The following MEF2A variants were observed in gnomAD, a reference collection of about 807,000 sequenced individuals.
MEF2A encodes myocyte-specific enhancer factor 2A.
Under a neutral mutation model 55.8 loss-of-function variants are expected in MEF2A, and 28 were observed. The ratio of observed to expected loss-of-function variants is 0.50; its 90% CI spans 0.37 to 0.69. The LOEUF (loss-of-function observed/expected upper bound fraction) is 0.69, where lower values mean the gene tolerates loss of function less well. Ranked by LOEUF, MEF2A falls within the 30% of genes least tolerant of loss-of-function variation. The pLI, the probability that MEF2A is intolerant of heterozygous loss-of-function variation, is 0.00. For missense variants in MEF2A, 528 were observed against 626.2 expected, an observed-to-expected ratio of 0.84 and a Z score of 1.67; for synonymous variants, 239 against 227.1, an observed-to-expected ratio of 1.05 and a Z score of -0.47.
At chr15:99,664,773 A>G (rs557108859) in intron 4 of MEF2A, among the ~76,000 whole-genome samples, 2 of 152,372 alleles carry the variant, frequency 1.3e-5, no homozygotes, top group East Asian at 1.9e-4. Context: ...TGAAATAGAA[A>G]TGTTAGTAAA....
intron 4 of MEF2A, among the ~76,000 whole-genome samples, chr15:99,656,799 A>G (rs557860858): frequency 2.0e-5 from 3 of 152,266 alleles, no homozygotes; most frequent in African/African-American, 7.2e-5. Context: ...TCTTCTTTTA[A>G]ATGAGATATA....
At chr15:99,685,610 T>G (rs1373355117) in intron 7 of MEF2A, among the ~76,000 whole-genome samples, 2 of 152,118 alleles carry the variant, frequency 1.3e-5, no homozygotes, top group Non-Finnish European at 2.9e-5. Context: ...TCTGTGCCAG[T>G]TTTGCTTATT....
At chr15:99,595,247 A>G (rs940928567) in intron 1 of MEF2A, among the ~76,000 whole-genome samples, 1 of 152,200 alleles carries the variant, frequency 6.6e-6, no homozygotes, top group Non-Finnish European at 1.5e-5. Context: ...GCTGATTAGC[A>G]TATGATAAAT....
Position 99,645,774 on chromosome 15 carries a change from A to C in MEF2A, c.258+10A>C. On this transcript the variant is annotated intron_variant, in intron 4 of 11. Coordinates refer to ENST00000557942, the MANE Select transcript of MEF2A (RefSeq NM_001319206.4). ...CTCGGATATTGTTGAGGTAACACAT[A>C]TCTAGTAATACGTGAATTGCAAGTA... is the stretch of plus-strand genomic sequence containing the variant. The C allele has an allele frequency of 1.9e-6, 3 of 1,558,614 alleles. No individual in the cohort carries two copies. Among genetic ancestry groups the C allele is most frequent in the Non-Finnish European group, 2.6e-6 (3 of 1,143,508 alleles).
At chr15:99,646,797 T>A (rs1392407135) in intron 4 of MEF2A, among the ~76,000 whole-genome samples, 1 of 152,258 alleles carries the variant, frequency 6.6e-6, no homozygotes, top group Non-Finnish European at 1.5e-5. Flanking sequence ...TAACTGTCCC[T>A]CTTCAGGCAG....
At chr15:99,694,095 C>T (rs563827956) in intron 8 of MEF2A, among the ~76,000 whole-genome samples, 366 of 152,300 alleles carry the variant, frequency 2.4e-3, no homozygotes, top group Non-Finnish European at 3.2e-3. Context: ...CAGGATACCA[C>T]ATTATATTTA....
Position 99,647,473 on chromosome 15 carries a change from C to G in MEF2A, c.258+1709C>G, listed in dbSNP as rs148930685. ...CTCTTTCATTGCAGCAGTTGTTATT[C>G]TTGGTCCGTGGAGGTTGAGGGTACT... On this transcript the variant is annotated intron_variant, in intron 4 of 11. Transcript: ENST00000557942. Among the ~76,000 whole-genome samples the G allele has an allele frequency of 1.5e-3, 230 of 152,254 alleles. 2 individuals carry two copies. The highest frequency in any genetic ancestry group is 4.7e-3 in the African/African-American group (194 of 41,544).
At chr15:99,672,405 T>C (rs1270194865) in intron 5 of MEF2A, among the ~76,000 whole-genome samples, 1 of 152,250 alleles carries the variant, frequency 6.6e-6, no homozygotes, top group Non-Finnish European at 1.5e-5. Context: ...GAGCTCATGC[T>C]CCTAGACTTG....
upstream of MEF2A, chr15:99,565,556 G>T (rs1266417250): frequency 6.6e-6 from 1 of 151,536 alleles, no homozygotes; most frequent in Admixed American, 6.6e-5. Flanking sequence ...GGAGGCGCCC[G>T]GGCCCTCATC....
chr15:99,594,000 T>A (rs1336620360), intron 1 of MEF2A, among the ~76,000 whole-genome samples: 1 of 152,170 alleles, frequency 6.6e-6, no homozygotes, highest in African/African-American at 2.4e-5. Context: ...CACCAAAACG[T>A]GTGTGAGGGT....
chr15:99,664,956 G>T (rs948587995), intron 4 of MEF2A, among the ~76,000 whole-genome samples: 1 of 152,024 alleles, frequency 6.6e-6, no homozygotes, highest in Non-Finnish European at 1.5e-5. Flanking sequence ...AAACAGAGGA[G>T]AACTCAAAAA....
chr15:99,601,804 GTT>G (rs1265346430), intron 2 of MEF2A, among the ~76,000 whole-genome samples: 5 of 133,688 alleles, frequency 3.7e-5, no homozygotes, highest in African/African-American at 8.7e-5. Context: ...GTTTTTGTCT[GTT>G]TTGTGTGTGT....
intron 3 of MEF2A, among the ~76,000 whole-genome samples, chr15:99,636,375 C>T (rs1287288852): frequency 1.3e-5 from 2 of 152,132 alleles, no homozygotes; most frequent in Non-Finnish European, 1.5e-5. Context: ...GAGACAGGGT[C>T]TTGCTGTGAT....
At position 99,678,616 on chromosome 15, in the gene MEF2A, C is replaced by T. The variant is rs185655098; in HGVS notation, c.670+3158C>T. 3,595 of 980,424 alleles carry T rather than the reference C, an allele frequency of 3.7e-3. 10 individuals are homozygous for T. The highest frequency in any genetic ancestry group is 5.5e-3 in the Admixed American group (89 of 16,274). 60.7% of individuals were successfully genotyped at this position (980,424 alleles called of 1,614,324 possible). Reference sequence around the variant, plus strand: ...CGTATTTTAATTTTTGTTGCATCTTCTGCCTGCTTCCCTAAAATTGGAATA... The same window carrying T: ...CGTATTTTAATTTTTGTTGCATCTTTTGCCTGCTTCCCTAAAATTGGAATA... On this transcript the variant is annotated intron_variant, in intron 7 of 11. Coordinates refer to ENST00000557942, the MANE Select transcript of MEF2A (RefSeq NM_001319206.4).
At chr15:99,687,794 C>G (rs1395759539) in intron 7 of MEF2A, among the ~76,000 whole-genome samples, 1 of 152,192 alleles carries the variant, frequency 6.6e-6, no homozygotes, top group African/African-American at 2.4e-5. Context: ...CCTGCTCTTG[C>G]TAACTAGATG....
intron 3 of MEF2A, among the ~76,000 whole-genome samples, chr15:99,641,671 C>G (rs911964966): frequency 6.6e-6 from 1 of 151,922 alleles, no homozygotes; most frequent in Non-Finnish European, 1.5e-5. Context: ...TGCAGTGAGT[C>G]GAGATCGTGC....
In MEF2A at chr15:99,645,644, C is replaced by G; in HGVS notation, c.138C>G (p.Ile46Met). ...TCTGTGACTGTGAAATAGCACTCATCATTTTCAACAGCTCTAACAAACTGT... is the reference window on the plus strand; with the variant it reads ...TCTGTGACTGTGAAATAGCACTCATGATTTTCAACAGCTCTAACAAACTGT... The part of the protein sequence containing the change: ...SVLCDCEIAL[I>M]IFNSSNKLFQ... The change falls in exon 4 of 12, where the codon ATC becomes ATG. Residue 46 changes from isoleucine to methionine, a missense_variant. Around this residue, in one of 2 missense-constraint regions of MEF2A, gnomAD observed 78 missense variants for 150.9 expected, o/e 0.52. Transcript: ENST00000557942. The G allele has an allele frequency of 6.2e-7, 1 of 1,613,696 alleles. No homozygotes were observed. Among genetic ancestry groups the G allele is most frequent in the Non-Finnish European group, 8.5e-7 (1 of 1,179,676 alleles).
chr15:99,591,042 C>T (rs1192517982), intron 1 of MEF2A, among the ~76,000 whole-genome samples: 1 of 152,166 alleles, frequency 6.6e-6, no homozygotes, highest in African/African-American at 2.4e-5. Flanking sequence ...CCCAATCCCA[C>T]CCTTTGCAGG....
At chr15:99,614,068 G>T (rs2039770706) in intron 2 of MEF2A, among the ~76,000 whole-genome samples, 1 of 152,098 alleles carries the variant, frequency 6.6e-6, no homozygotes, top group Non-Finnish European at 1.5e-5. Flanking sequence ...GTGTGACTTT[G>T]GGTGAGTACT....
Sources: gnomAD v4.1 joint callset for allele counts (sites outside exome capture counted in the v4.1 genomes callset) on GRCh38, gnomAD v4.1.1 for gene constraint, gnomAD v4.1.1 regional missense constraint, MANE v1.5 for transcripts, NCBI Gene and HGNC (gene_info 2026-07-23, HGNC 2026-07-21) for gene names.